PPARG: variants seen among roughly 807,000 people sequenced by gnomAD.
PPARG encodes the protein peroxisome proliferator-activated receptor gamma.
In PPARG, 17 loss-of-function variants were observed where a neutral mutation model predicts 39.2. The observed-to-expected ratio is 0.43, with a 90% CI of 0.30 to 0.65. The LOEUF (loss-of-function observed/expected upper bound fraction) is 0.65, where lower values mean the gene tolerates loss of function less well. Among genes scored for constraint, PPARG ranks in the 30% least tolerant of loss-of-function variants. PPARG has a pLI of 0.13. For missense variants in PPARG, 406 were observed against 585.9 expected (o/e 0.69, Z 3.17); for synonymous variants, 223 against 215.7 (o/e 1.03, Z -0.30).
At chr3:12,307,561 CAT>C (rs749040796) in intron 1 of PPARG, among the ~76,000 whole-genome samples, 13 of 152,110 alleles carry the variant, frequency 8.5e-5, no homozygotes, top group Admixed American at 2.0e-4. Flanking sequence ...GGTTGATAGA[CAT>C]AAAGTGCTGG....
At chr3:12,381,916 GTTTA>G (rs796113249) in intron 4 of PPARG, among the ~76,000 whole-genome samples, 8 of 151,930 alleles carry the variant, frequency 5.3e-5, no homozygotes, top group South Asian at 2.1e-4. Context: ...TTCTCTAGTT[GTTTA>G]TTTATTTATT....
intron 2 of PPARG, among the ~76,000 whole-genome samples, chr3:12,334,705 A>G (rs1371243819): frequency 6.6e-6 from 1 of 152,180 alleles, no homozygotes; most frequent in East Asian, 1.9e-4. Flanking sequence ...AAAAGACTAT[A>G]CAAATATTAC....
At chr3:12,394,794 A>G (rs575831280) in intron 5 of PPARG, among the ~76,000 whole-genome samples, 1 of 152,350 alleles carries the variant, frequency 6.6e-6, no homozygotes, top group East Asian at 1.9e-4. Context: ...AAAGTTTTCT[A>G]GGAAGTTGAG....
chr3:12,298,255 C>T (rs1191285354), intron 1 of PPARG, among the ~76,000 whole-genome samples: 5 of 137,064 alleles, frequency 3.6e-5, no homozygotes, highest in East Asian at 2.1e-4. Flanking sequence ...GCCGAGATCC[C>T]GCCACTGCAC....
intron 4 of PPARG, among the ~76,000 whole-genome samples, chr3:12,382,537 C>T (rs1207656335): frequency 1.3e-5 from 2 of 152,144 alleles, no homozygotes; most frequent in African/African-American, 4.8e-5. Flanking sequence ...AGTTTTAGGA[C>T]ATCTTGGTTC....
intron 7 of PPARG, among the ~76,000 whole-genome samples, chr3:12,422,211 A>G (rs567369120): frequency 1.3e-5 from 2 of 152,344 alleles, no homozygotes; most frequent in South Asian, 2.1e-4. Flanking sequence ...AATACTGCCT[A>G]CCATTCGTTG....
At chr3:12,355,020 C>CT (rs1382019930) in intron 2 of PPARG, among the ~76,000 whole-genome samples, 1 of 152,086 alleles carries the variant, frequency 6.6e-6, no homozygotes, top group African/African-American at 2.4e-5. Flanking sequence ...TTCTTTGGGC[C>CT]TAAATAAAAG....
intron 2 of PPARG, 122 bp from the exon 3 acceptor site, chr3:12,379,582 G>A: frequency 1.2e-6 from 1 of 867,478 alleles, no homozygotes; most frequent in South Asian, 1.5e-5. Context: ...CTTTTCTGTT[G>A]TTGTGAGCGC....
At chr3:12,390,694 G>A (rs1287310471) in intron 4 of PPARG, among the ~76,000 whole-genome samples, 1 of 134,020 alleles carries the variant, frequency 7.5e-6, no homozygotes, top group African/African-American at 2.9e-5. Context: ...AGACTGGAGT[G>A]CAGTGGTGCA....
At chr3:12,417,400 A>G (rs901537260) in intron 7 of PPARG, among the ~76,000 whole-genome samples, 1 of 152,122 alleles carries the variant, frequency 6.6e-6, no homozygotes, top group Non-Finnish European at 1.5e-5. Flanking sequence ...TTTTCCAGTC[A>G]AATGCCCTCT....
At chr3:12,400,282 T>C (rs759703379) in intron 5 of PPARG, among the ~76,000 whole-genome samples, 30 of 152,330 alleles carry the variant, frequency 2.0e-4, no homozygotes, top group South Asian at 1.2e-3. Context: ...TACAATTAGG[T>C]AGATGTTTTA....
chr3:12,374,366 A>G (rs747543257), intron 2 of PPARG, among the ~76,000 whole-genome samples: 16 of 152,146 alleles, frequency 1.1e-4, no homozygotes, highest in Non-Finnish European at 1.9e-4. Context: ...TGGGAGGCAG[A>G]GGCAGGTAGA....
intron 2 of PPARG, among the ~76,000 whole-genome samples, chr3:12,372,306 G>T (rs750253013): frequency 1.8e-4 from 27 of 152,304 alleles, no homozygotes; most frequent in Non-Finnish European, 2.1e-4. Context: ...TTTCTAACCA[G>T]TATCCAGTGT....
intron 2 of PPARG, among the ~76,000 whole-genome samples, chr3:12,335,091 A>G (rs980191654): frequency 6.6e-6 from 1 of 152,176 alleles, no homozygotes; most frequent in African/African-American, 2.4e-5. Flanking sequence ...GCAGTTTCAG[A>G]TGGGTAGAAA....
intron 6 of PPARG, among the ~76,000 whole-genome samples, chr3:12,414,972 T>C (rs2051008504): frequency 1.3e-5 from 2 of 152,232 alleles, no homozygotes; most frequent in Non-Finnish European, 2.9e-5. Context: ...CTCCTCAATG[T>C]TGGTGTTATT....
intron 2 of PPARG, among the ~76,000 whole-genome samples, chr3:12,362,574 GAAC>G (rs1360306267): frequency 5.4e-5 from 8 of 149,064 alleles, no homozygotes; most frequent in Non-Finnish European, 8.9e-5. Flanking sequence ...TAAATAAAAC[GAAC>G]AACAACAACA....
intron 2 of PPARG, chr3:12,327,983 C>A: frequency 1.2e-6 from 1 of 800,818 alleles, no homozygotes. Flanking sequence ...GTATTAAATT[C>A]TGTTCTTAGA....
At chr3:12,302,092 G>A (rs11710969) in intron 1 of PPARG, among the ~76,000 whole-genome samples, 43,399 of 152,108 alleles carry the variant, frequency 0.29, 6,385 homozygotes, top group East Asian at 0.49. Context: ...TAAAGGGAGA[G>A]AACAAATGCT....
At chr3:12,430,387 G>C (rs1380815750) in intron 7 of PPARG, among the ~76,000 whole-genome samples, 1 of 152,182 alleles carries the variant, frequency 6.6e-6, no homozygotes, top group Non-Finnish European at 1.5e-5. Context: ...TAACGGGGGA[G>C]AAACAAGAAA....
Sources: allele counts gnomAD v4.1 joint callset (sites outside exome capture counted in the v4.1 genomes callset), GRCh38; gene constraint gnomAD v4.1.1; transcripts MANE v1.5; gene names NCBI Gene and HGNC (gene_info 2026-07-23, HGNC 2026-07-21).